Variants in UTRN observed in about 807,000 individuals in gnomAD.
The protein encoded by UTRN is utrophin, also known as dystrophin-related protein 1.
UTRN carries 283 observed loss-of-function variants against 463.9 expected under a neutral mutation model. That is an observed-to-expected ratio of 0.61 (90% CI 0.55 to 0.67). UTRN has a LOEUF of 0.67. UTRN is among the 30% of genes least tolerant of loss of function. The pLI is 0.00. For missense variants in UTRN, 3,922 were observed against 4,084.3 expected (o/e 0.96, Z 1.08); for synonymous variants, 1,442 against 1,431.5 (o/e 1.01, Z -0.17).
At chr6:144,714,218 T>C (rs552875334) in intron 53 of UTRN, among the ~76,000 whole-genome samples, 1 of 152,352 alleles carries the variant, frequency 6.6e-6, no homozygotes, top group East Asian at 1.9e-4. Context: ...CTATCAAATT[T>C]AATGAGTGCT....
chr6:144,776,760 A>G (rs563414606), intron 60 of UTRN, among the ~76,000 whole-genome samples: 1 of 152,298 alleles, frequency 6.6e-6, no homozygotes, highest in Non-Finnish European at 1.5e-5. Flanking sequence ...CTCTTTGTAT[A>G]GGTTGATGCA....
intron 51 of UTRN, among the ~76,000 whole-genome samples, chr6:144,636,978 T>C (rs1777240891): frequency 6.6e-6 from 1 of 152,172 alleles, no homozygotes; most frequent in Non-Finnish European, 1.5e-5. Context: ...TGTTTGTTTG[T>C]TTGTTTTTTG....
At chr6:144,329,580 T>G (rs78506786) in intron 2 of UTRN, among the ~76,000 whole-genome samples, 1 of 152,104 alleles carries the variant, frequency 6.6e-6, no homozygotes, top group East Asian at 1.9e-4. Flanking sequence ...CTGCTAGAGT[T>G]GTAAGGTGAT....
In UTRN at chr6:144,482,251, A is replaced by C; in HGVS notation, c.3550A>C (p.Ile1184Leu). 1 of 1,598,760 alleles carries C rather than the reference A, an allele frequency of 6.3e-7. No individual in the cohort carries two copies. The highest frequency in any genetic ancestry group is 8.5e-7 in the Non-Finnish European group (1 of 1,173,930). The change falls in exon 27 of 75, where the codon ATT becomes CTT. Residue 1184 changes from isoleucine to leucine, a missense_variant. Physicochemically the swap from Ile to Leu is conservative, Grantham distance 5. Coordinates refer to ENST00000367545, the MANE Select transcript of UTRN (RefSeq NM_007124.3). ...DVLQKEVRVK[I>L]LKDNIKLLAA... is the part of the protein sequence containing the mutation. ...GTTGCAGAAGGAGGTGAGAGTGAAGATTCTCAAGGACAACATCAAGTTATT... is the reference window on the plus strand; with the variant it reads ...GTTGCAGAAGGAGGTGAGAGTGAAGCTTCTCAAGGACAACATCAAGTTATT...
chr6:144,605,756 A>T (rs1012644654), intron 51 of UTRN, among the ~76,000 whole-genome samples: 4 of 150,654 alleles, frequency 2.7e-5, no homozygotes, highest in Non-Finnish European at 5.9e-5. Context: ...AGAAATCTTC[A>T]TTTCAGATTT....
At chr6:144,323,253 T>C (rs2114588335) in intron 2 of UTRN, among the ~76,000 whole-genome samples, 1 of 152,312 alleles carries the variant, frequency 6.6e-6, no homozygotes, top group South Asian at 2.1e-4. Context: ...ATATATGCCC[T>C]TCAGTAAGCT....
intron 2 of UTRN, among the ~76,000 whole-genome samples, chr6:144,368,084 G>C (rs565963995): frequency 4.6e-5 from 7 of 151,968 alleles, no homozygotes; most frequent in Non-Finnish European, 8.8e-5. Context: ...CCCGCCTTCT[G>C]TTTCCTTTAT....
intron 2 of UTRN, among the ~76,000 whole-genome samples, chr6:144,313,262 G>A (rs1030208686): frequency 4.6e-5 from 7 of 151,836 alleles, no homozygotes; most frequent in African/African-American, 1.2e-4. Context: ...GCTTAGCCAC[G>A]TGGACTCATC....
At chr6:144,789,531 T>G (rs543424452) in intron 62 of UTRN, among the ~76,000 whole-genome samples, 2 of 152,288 alleles carry the variant, frequency 1.3e-5, no homozygotes, top group East Asian at 3.9e-4. Context: ...CAAATTATAC[T>G]TCATTTAATT....
chr6:144,512,768 T>C (rs1367289471), intron 35 of UTRN, among the ~76,000 whole-genome samples: 1 of 152,128 alleles, frequency 6.6e-6, no homozygotes, highest in African/African-American at 2.4e-5. Context: ...CTTGAATTCC[T>C]GAGGTCAAGT....
intron 53 of UTRN, among the ~76,000 whole-genome samples, chr6:144,720,700 C>T (rs1181625552): frequency 6.6e-6 from 1 of 152,160 alleles, no homozygotes; most frequent in East Asian, 1.9e-4. Context: ...TCTTGAGTTG[C>T]TTTCCACCTT....
intron 37 of UTRN, among the ~76,000 whole-genome samples, chr6:144,515,936 C>T (rs941076553): frequency 1.1e-4 from 17 of 152,292 alleles, no homozygotes; most frequent in African/African-American, 3.6e-4. Context: ...GCCATAGTTT[C>T]CTGCTATGCT....
At position 144,436,147 on chromosome 6, in the gene UTRN, C is replaced by G; in HGVS notation, c.1059+9C>G. The G allele has an allele frequency of 6.2e-7, 1 of 1,610,252 alleles. No homozygotes were observed. Among genetic ancestry groups the G allele is most frequent in the South Asian group, 1.1e-5 (1 of 90,892 alleles). The stretch of plus-strand genomic sequence containing the variant: ...AGTTTGCAACCCATGAAGTAAATAT[C>G]TGTAGTTTCTTAGCAGGGTGTGTCC... On this transcript the variant is annotated intron_variant, in intron 10 of 74. Coordinates refer to ENST00000367545, the MANE Select transcript of UTRN (RefSeq NM_007124.3).
chr6:144,783,719 C>T (rs893282453), intron 61 of UTRN, among the ~76,000 whole-genome samples: 1 of 152,028 alleles, frequency 6.6e-6, no homozygotes, highest in Admixed American at 6.6e-5. Flanking sequence ...TGAAACTTTC[C>T]CTGTCCTCCT....
rs762611413 is a variant in UTRN, at chr6:144,522,103, T to C, written c.5665T>C (p.Ser1889Pro). The C allele has an allele frequency of 6.3e-7, 1 of 1,586,368 alleles. No individual in the cohort carries two copies. The highest frequency in any genetic ancestry group is 1.1e-5 in the South Asian group (1 of 87,006). Residue 1889 changes from serine (S) to proline (P), a missense_variant, in exon 40 of 75, where the codon TCG becomes CCG. Ser to Pro is a moderately conservative substitution (Grantham distance 74). Around this residue, in one of 3 missense-constraint regions of UTRN, gnomAD observed 2,349 missense variants for 2,303.8 expected, o/e 1.02. Transcript: ENST00000367545. Reference sequence around the variant, plus strand: ...ACTTTGCATGGATGATGTTGAATTATCGCTTAATGTTCCAGAGCTCAACAC... The same window carrying C: ...ACTTTGCATGGATGATGTTGAATTACCGCTTAATGTTCCAGAGCTCAACAC... ...ILLCMDDVEL[S>P]LNVPELNTAI... is the part of the protein sequence containing the mutation.
intron 25 of UTRN, among the ~76,000 whole-genome samples, chr6:144,478,023 TG>T (rs1176018370): frequency 6.6e-6 from 1 of 152,196 alleles, no homozygotes; most frequent in Non-Finnish European, 1.5e-5. Context: ...GGTAACCACA[TG>T]TGTGAATAAT....
rs200897894 is a variant in UTRN, at chr6:144,462,864, G to A, written c.3064G>A (p.Glu1022Lys). The A allele has an allele frequency of 6.2e-6, 10 of 1,601,312 alleles. No individual in the cohort carries two copies. The Admixed American group carries it at 7.1e-5, about 11-fold the overall frequency. The change falls in exon 23 of 75, where the codon GAG becomes AAG. Residue 1022 changes from glutamate to lysine, a missense_variant and splice_region_variant. Glu to Lys is a moderately conservative substitution (Grantham distance 56). Around this residue, in one of 3 missense-constraint regions of UTRN, gnomAD observed 2,349 missense variants for 2,303.8 expected, o/e 1.02. Coordinates refer to ENST00000367545, the MANE Select transcript of UTRN (RefSeq NM_007124.3). ...EEIALTLRAFEADSTVIEKWM... is the reference protein window; with the variant it reads ...EEIALTLRAFKADSTVIEKWM... ...AATTGCTCTCACACTCAGAGCTTTT[G>A]AGGTAAATCCAGAGGCCACTGGGAG...
At position 144,443,519 on chromosome 6, in the gene UTRN, AT is replaced by A. The variant is rs530451031; in HGVS notation, c.1513-760del. Among the ~76,000 whole-genome samples the A allele has an allele frequency of 3.9e-3, 594 of 152,336 alleles. 3 individuals are homozygous for A. Among genetic ancestry groups the A allele is most frequent in the African/African-American group, 0.014 (578 of 41,578 alleles). ...TAAGTATCAAAATAGTATAATATGAATTAAATAATTCTTGTTCACATGTATA... is the reference window on the plus strand; with the variant it reads ...TAAGTATCAAAATAGTATAATATGAATAAATAATTCTTGTTCACATGTATA... On this transcript the variant is annotated intron_variant, in intron 13 of 74. Transcript: ENST00000367545.
At chr6:144,641,831 C>T (rs544668162) in intron 51 of UTRN, among the ~76,000 whole-genome samples, 4 of 152,050 alleles carry the variant, frequency 2.6e-5, no homozygotes, top group African/African-American at 9.7e-5. Flanking sequence ...ATGAATAAAG[C>T]GGTTGATTAG....
Sources: allele counts gnomAD v4.1 joint callset (sites outside exome capture counted in the v4.1 genomes callset), GRCh38; gene constraint gnomAD v4.1.1; regional missense constraint gnomAD v4.1.1; transcripts MANE v1.5; gene names NCBI Gene and HGNC (gene_info 2026-07-23, HGNC 2026-07-21).